Variants in OTULINL observed in about 807,000 individuals in gnomAD.
The protein encoded by OTULINL is OTU deubiquitinase with linear linkage specificity like.
A neutral mutation model predicts 43.9 loss-of-function variants in OTULINL; 42 were observed. The observed-to-expected ratio is 0.96, with a 90% CI of 0.75 to 1.24. The LOEUF (loss-of-function observed/expected upper bound fraction) is 1.24, where lower values mean the gene tolerates loss of function less well. Ranked by LOEUF, OTULINL falls within the 50% of genes most tolerant of loss-of-function variation. OTULINL has a pLI of 0.00. For synonymous variants in OTULINL, 172 were observed against 153.6 expected (o/e 1.12, Z -0.88); for missense variants, 411 against 426.4 (o/e 0.96, Z 0.32).
At chr5:14,591,899 GA>G (rs374512865) in intron 1 of OTULINL, among the ~76,000 whole-genome samples, 59 of 152,026 alleles carry the variant, frequency 3.9e-4, no homozygotes, top group African/African-American at 1.4e-3. Flanking sequence ...AAATGGTTGG[GA>G]AAAAAATAAA....
rs151125975 is a variant in OTULINL at position 14,608,780 on chromosome 5, C to G, written c.660C>G (p.His220Gln). ...WTEFNGIRDY[H>Q]KRGSMCNTLF... The stretch of plus-strand genomic sequence containing the variant: ...AATTTAATGGCATTAGAGATTATCA[C>G]AAGAGAGGAAGTATGTGCAACACCC... Residue 220 changes from histidine to glutamine, a missense_variant, in exon 7 of 8, where the codon CAC (histidine) becomes CAG (glutamine). By Grantham distance (24) the His-to-Gln change is conservative. Transcript: ENST00000274217. The G allele has an allele frequency of 6.2e-7, 1 of 1,611,388 alleles. No homozygotes were observed. Among genetic ancestry groups the G allele is most frequent in the Non-Finnish European group, 8.5e-7 (1 of 1,177,932 alleles).
chr5:14,604,567 T>C (rs1464728141), intron 5 of OTULINL, among the ~76,000 whole-genome samples: 1 of 152,130 alleles, frequency 6.6e-6, no homozygotes, highest in Admixed American at 6.5e-5. Flanking sequence ...GTCTTCCCCC[T>C]GGAAATGTGG....
At chr5:14,599,264 G>A (rs31976) in intron 1 of OTULINL, among the ~76,000 whole-genome samples, 10,060 of 152,170 alleles carry the variant, frequency 0.066, 477 homozygotes, top group East Asian at 0.18. Context: ...TGAGGTGGGC[G>A]GGTTGCCTGC....
rs1253240566 is a variant in OTULINL at position 14,615,267 on chromosome 5, C to T, written c.*4953C>T. Among the ~76,000 whole-genome samples the T allele has an allele frequency of 1.3e-5, 2 of 152,186 alleles. No homozygotes were observed. Among genetic ancestry groups the T allele is most frequent in the Admixed American group, 6.5e-5 (1 of 15,284 alleles). ...ACACTCCTGGCCCATTTCTTGTCATCGCTGCCATCCCCAAAGACAGACTCT... is the reference window on the plus strand; with the variant it reads ...ACACTCCTGGCCCATTTCTTGTCATTGCTGCCATCCCCAAAGACAGACTCT... On this transcript the variant is annotated 3_prime_UTR_variant, in exon 8 of 8. Coordinates refer to ENST00000274217, the MANE Select transcript of OTULINL (RefSeq NM_019018.3).
Position 14,610,490 on chromosome 5 carries a change from G to GAAA in OTULINL, c.*177_*178insAAA. ...GGATGGTTTTTCTTTATTTTTCAGT[G>GAAA]ATTTCCTCTGAAGCAGCTGCACTGA... On this transcript the variant is annotated 3_prime_UTR_variant, in exon 8 of 8. Coordinates refer to ENST00000274217, the MANE Select transcript of OTULINL (RefSeq NM_019018.3). 1.6e-6 allele frequency: 1 copy of GAAA among 644,386 alleles called. No homozygotes were observed. Among genetic ancestry groups the GAAA allele is most frequent in the Non-Finnish European group, 2.6e-6 (1 of 390,456 alleles). 39.9% of individuals were successfully genotyped at this position (644,386 alleles called of 1,614,324 possible).
intron 6 of OTULINL, among the ~76,000 whole-genome samples, chr5:14,607,783 C>T (rs1330523878): frequency 6.6e-6 from 1 of 152,154 alleles, no homozygotes; most frequent in Non-Finnish European, 1.5e-5. Context: ...GAAATGCTCT[C>T]CTGGAATGCA....
intron 1 of OTULINL, among the ~76,000 whole-genome samples, chr5:14,595,576 T>C (rs902716146): frequency 6.7e-5 from 10 of 149,294 alleles, no homozygotes; most frequent in African/African-American, 2.5e-4. Context: ...TACTTCAGCT[T>C]TGGTATATTG....
Position 14,601,051 on chromosome 5 carries a change from G to A in OTULINL, c.151G>A (p.Ala51Thr), listed in dbSNP as rs749011226. 6.2e-7 allele frequency: 1 copy of A among 1,613,148 alleles called. No individual in the cohort carries two copies. Among genetic ancestry groups the A allele is most frequent in the South Asian group, 1.1e-5 (1 of 90,938 alleles). ...AATGGCAAAAGGCTTTGTGATGTTG[G>A]CAGTTTCATTTCTGGTGGCTGCCAT... is the stretch of plus-strand genomic sequence containing the variant. Reference protein sequence around the residue: ...WRMAKGFVMLAVSFLVAAICY... With the variant: ...WRMAKGFVMLTVSFLVAAICY... Residue 51 changes from alanine to threonine, a missense_variant, in exon 2 of 8, where the codon GCA becomes ACA. Coordinates refer to ENST00000274217, the MANE Select transcript of OTULINL (RefSeq NM_019018.3).
In OTULINL at chr5:14,614,368, C is replaced by T. The variant is rs918649406; in HGVS notation, c.*4054C>T. On this transcript the variant is annotated 3_prime_UTR_variant, in exon 8 of 8. Transcript: ENST00000274217. ...TTTAATTATTTAATTGACAAATTAG[C>T]TATTCATTTTCCTTCAAATCCTGTT... Among the ~76,000 whole-genome samples, 1 of 152,244 alleles carries T rather than the reference C, an allele frequency of 6.6e-6. No homozygotes were observed. Among genetic ancestry groups the T allele is most frequent in the Admixed American group, 6.5e-5 (1 of 15,294 alleles).
intron 1 of OTULINL, among the ~76,000 whole-genome samples, chr5:14,588,056 C>T (rs1759138188): frequency 6.6e-6 from 1 of 152,130 alleles, no homozygotes; most frequent in African/African-American, 2.4e-5. Context: ...CCAGCATGAA[C>T]TTCCAAGGGT....
At chr5:14,592,700 A>G (rs1013956706) in intron 1 of OTULINL, among the ~76,000 whole-genome samples, 1 of 152,212 alleles carries the variant, frequency 6.6e-6, no homozygotes, top group Admixed American at 6.5e-5. Flanking sequence ...TGAAAAATGT[A>G]AAAGGTCGTC....
At chr5:14,601,584 A>T in intron 4 of OTULINL, 142 bp downstream of exon 4, 1 of 767,876 alleles carries the variant, frequency 1.3e-6, no homozygotes, top group Non-Finnish European at 2.1e-6. Flanking sequence ...CTCTAACTCA[A>T]AAGCCAAATG....
In OTULINL at chr5:14,610,291, C is replaced by A. The variant is rs1259006989; in HGVS notation, c.1048C>A (p.His350Asn). The part of the protein sequence containing the change: ...EISLLTENDR[H>N]YHIPVF ...CTCCCTGCTGACCGAGAACGACCGC[C>A]ACTACCACATTCCAGTCTTTTAAGT... is the stretch of plus-strand genomic sequence containing the variant. The change falls in exon 8 of 8, where the codon CAC (histidine) becomes AAC (asparagine). Residue 350 changes from histidine to asparagine, a missense_variant. Transcript: ENST00000274217. 6.2e-7 allele frequency: 1 copy of A among 1,613,080 alleles called. No homozygotes were observed. The highest frequency in any genetic ancestry group is 1.3e-5 in the African/African-American group (1 of 74,902).
Position 14,581,905 on chromosome 5 carries a change from CA to C in OTULINL, c.13del (p.Arg5GlyfsTer27). 7.1e-7 allele frequency: 1 copy of C among 1,413,422 alleles called. No individual in the cohort carries two copies. The highest frequency in any genetic ancestry group is 9.2e-7 in the Non-Finnish European group (1 of 1,083,438). 87.6% of individuals were successfully genotyped at this position (1,413,422 alleles called of 1,614,324 possible). A position where few individuals can be genotyped will look rare whatever the true frequency, so the allele number is the denominator to read the frequency against. ...CGCAGCGCGGCCGGCATGGCGGCGA[CA>C]AGGAGCCCCACGCGGGCAAGGGAGC... MAA[T>X]RSPTRARERE... On this transcript the variant is annotated frameshift_variant, in exon 1 of 8. Transcript: ENST00000274217. LOFTEE classifies it high-confidence loss of function.
intron 1 of OTULINL, among the ~76,000 whole-genome samples, chr5:14,584,780 T>C (rs7734909): frequency 0.02 from 3,022 of 152,314 alleles, 97 homozygotes; most frequent in African/African-American, 0.068. Context: ...ATGAAAGATA[T>C]ATTCCTCGAT....
rs1759565009 is a variant in OTULINL, at chr5:14,610,550, A to G, written c.*236A>G. On this transcript the variant is annotated 3_prime_UTR_variant, in exon 8 of 8. Coordinates refer to ENST00000274217, the MANE Select transcript of OTULINL (RefSeq NM_019018.3). ...GAGTTGGTGGCTTGACTTTGTCCAT[A>G]AGGGGCGTGGCCACTTCACATGATG... The G allele has an allele frequency of 6.9e-6, 3 of 434,750 alleles. No homozygotes were observed. The highest frequency in any genetic ancestry group is 5.8e-5 in the African/African-American group (3 of 51,398). 26.9% of individuals were successfully genotyped at this position (434,750 alleles called of 1,614,324 possible). A position where few individuals can be genotyped will look rare whatever the true frequency, so the allele number is the denominator to read the frequency against.
At chr5:14,590,859 G>A (rs965352685) in intron 1 of OTULINL, among the ~76,000 whole-genome samples, 7 of 152,160 alleles carry the variant, frequency 4.6e-5, no homozygotes, top group African/African-American at 1.7e-4. Flanking sequence ...TCAGGGGCTA[G>A]CAGGATGTGG....
rs1278310546 is a variant in OTULINL, at chr5:14,611,392, T to A, written c.*1078T>A. 6.6e-6 allele frequency: 1 copy of A among 152,168 alleles called. No individual in the cohort carries two copies. The highest frequency in any genetic ancestry group is 6.5e-5 in the Admixed American group (1 of 15,270). The allele number at this position is 152,168 out of a possible 1,614,324, so 9.4% of individuals were successfully genotyped here. On this transcript the variant is annotated 3_prime_UTR_variant, in exon 8 of 8. Transcript: ENST00000274217. ...ATATGGAAGAACGGTTAGAGAGAGA[T>A]GCACCATTGCTGGCTTTGAAGATGG...
At chr5:14,608,161 G>C (rs561125126) in intron 6 of OTULINL, among the ~76,000 whole-genome samples, 7 of 152,160 alleles carry the variant, frequency 4.6e-5, no homozygotes, top group Admixed American at 4.6e-4. Flanking sequence ...ACTAGTAGGT[G>C]ATACTTTTTG....
Sources: gnomAD v4.1 joint callset for allele counts (sites outside exome capture counted in the v4.1 genomes callset) on GRCh38, gnomAD v4.1.1 for gene constraint, MANE v1.5 for transcripts, NCBI Gene and HGNC (gene_info 2026-07-23, HGNC 2026-07-21) for gene names.